The following PCIF1 variants were observed in gnomAD, a reference collection of about 807,000 sequenced individuals.
PCIF1 encodes the protein mRNA (2'-O-methyladenosine-N(6)-)-methyltransferase.
Under a neutral mutation model 86.9 loss-of-function variants are expected in PCIF1, and 12 were observed. The observed-to-expected ratio is 0.14, with a 90% confidence interval of 0.09 to 0.22. The LOEUF is 0.22. Among genes scored for constraint, PCIF1 ranks in the 10% least tolerant of loss-of-function variants. The probability of loss-of-function intolerance (pLI) is 1.00; values close to 1 mark genes in which losing one functional copy is unlikely to be tolerated. For synonymous variants in PCIF1, 397 were observed against 372.0 expected (o/e 1.07, Z -0.77); for missense variants, 701 against 951.1 (o/e 0.74, Z 3.46).
chr20:45,940,010 G>A (rs2083456382), intron 4 of PCIF1, among the ~76,000 whole-genome samples: 1 of 152,238 alleles, frequency 6.6e-6, no homozygotes, highest in Admixed American at 6.5e-5. Context: ...CACACCTGAT[G>A]TGAGTTCAGG....
Position 45,947,524 on chromosome 20 carries a change from G to A in PCIF1, c.1884G>A (p.Lys628=). 1 of 1,613,744 alleles carries A rather than the reference G, an allele frequency of 6.2e-7. No homozygotes were observed. The highest frequency in any genetic ancestry group is 8.5e-7 in the Non-Finnish European group (1 of 1,179,990). Residue 628 remains lysine (K), a splice_region_variant and synonymous_variant, in exon 17 of 17, where the codon AAG becomes AAA. Coordinates refer to ENST00000372409, the MANE Select transcript of PCIF1 (RefSeq NM_022104.4). This position sits in a 1 kb window ranked among gnomAD's most constrained non-coding sequence, Gnocchi z 5.4. ...YRSGSQHICK[K]EEMHYKAVHN... ...CCTGAGCCATTGCCTTTGCCCGCAG[G>A]GAGGAAATGCACTACAAGGCCGTCC...
At chr20:45,946,459 C>T in intron 14 of PCIF1, 75 bp downstream of exon 14, 2 of 1,518,350 alleles carry the variant, frequency 1.3e-6, no homozygotes, top group South Asian at 2.3e-5. Context: ...CCTCTGCTGG[C>T]TGTAGTGTCA....
In PCIF1 at chr20:45,947,061, T is replaced by C; in HGVS notation, c.1614-12T>C. 2 of 1,602,070 alleles carry C rather than the reference T, an allele frequency of 1.2e-6. No homozygotes were observed. The highest frequency in any genetic ancestry group is 1.1e-5 in the South Asian group (1 of 90,294). ...TCCTGATGGGACTTAGAATGCTCAC[T>C]CCTGTCCCCAGGCCCTGCCTAGACT... On this transcript the variant is annotated splice_polypyrimidine_tract_variant and intron_variant, in intron 14 of 16. Coordinates refer to ENST00000372409, the MANE Select transcript of PCIF1 (RefSeq NM_022104.4). The surrounding 1 kb of genome is among the most constrained non-coding windows in gnomAD (Gnocchi z 5.4).
In PCIF1 at chr20:45,934,811, G is replaced by C; in HGVS notation, c.-188+7G>C. On this transcript the variant is annotated splice_region_variant and intron_variant, in intron 1 of 16. Transcript: ENST00000372409. ...TCCAGTCCGCTCCGGGCAGGTAAGA[G>C]TCCCAGGAAGCCATGGTCCCGCAGC... 2.5e-6 allele frequency: 1 copy of C among 398,312 alleles called. No homozygotes were observed. Among genetic ancestry groups the C allele is most frequent in the Non-Finnish European group, 4.4e-6 (1 of 225,832 alleles). The allele number at this position is 398,312 out of a possible 1,614,324, so 24.7% of individuals were successfully genotyped here.
Position 45,940,630 on chromosome 20 carries a change from GGAGCCGGCTGCCGA to G in PCIF1, c.387+20_387+33del. The G allele has an allele frequency of 6.3e-7, 1 of 1,591,846 alleles. No individual in the cohort carries two copies. The highest frequency in any genetic ancestry group is 8.5e-7 in the Non-Finnish European group (1 of 1,170,816). ...AGCCCAAGGTGAGTGTCTGTGGCCA[GGAGCCGGCTGCCGA>G]GCGGCCGGCTCAGACGGGCCGCCTG... On this transcript the variant is annotated intron_variant, in intron 5 of 16. Coordinates refer to ENST00000372409, the MANE Select transcript of PCIF1 (RefSeq NM_022104.4).
intron 1 of PCIF1, 30 bp downstream of exon 1, chr20:45,934,834 AG>A (rs1019369032): frequency 1.0e-5 from 4 of 397,836 alleles, no homozygotes; most frequent in African/African-American, 8.2e-5. Context: ...ATGGTCCCGC[AG>A]CGAGCCGCGC....
Position 45,947,930 on chromosome 20 carries a change from T to A in PCIF1, c.*175T>A. On this transcript the variant is annotated 3_prime_UTR_variant, in exon 17 of 17. Coordinates refer to ENST00000372409, the MANE Select transcript of PCIF1 (RefSeq NM_022104.4). The surrounding 1 kb of genome is among the most constrained non-coding windows in gnomAD (Gnocchi z 5.4). ...CACCTCAAACTCCCTCCAAGTCCCA[T>A]GTATATAGGTCCTGATGCCTTCCCA... 1 of 1,533,246 alleles carries A rather than the reference T, an allele frequency of 6.5e-7. No individual in the cohort carries two copies. The highest frequency in any genetic ancestry group is 8.7e-7 in the Non-Finnish European group (1 of 1,146,108). The allele number at this position is 1,533,246 out of a possible 1,614,324, so 95.0% of individuals were successfully genotyped here. A position where few individuals can be genotyped will look rare whatever the true frequency, so the allele number is the denominator to read the frequency against.
chr20:45,945,292 G>C (rs1166580185), intron 11 of PCIF1, among the ~76,000 whole-genome samples: 2 of 152,256 alleles, frequency 1.3e-5, no homozygotes, highest in African/African-American at 4.8e-5. Context: ...CCAGACTGAA[G>C]TGTAGCACCT....
At position 45,947,713 on chromosome 20, in the gene PCIF1, G is replaced by A. The variant is rs766789952; in HGVS notation, c.2073G>A (p.Ser691=). The part of the protein sequence containing the change: ...SSSSEAKDRD[S]GREQGPSREP... ...CCTCGGAGGCCAAGGACCGGGACTC[G>A]GGCCGTGAGCAGGGTCCTAGCCGCG... is the stretch of plus-strand genomic sequence containing the variant. The change falls in exon 17 of 17, where the codon TCG becomes TCA. Residue 691 remains serine (S), a synonymous_variant. Transcript: ENST00000372409. The surrounding 1 kb of genome is among the most constrained non-coding windows in gnomAD (Gnocchi z 5.4). 17 of 1,606,574 alleles carry A rather than the reference G, an allele frequency of 1.1e-5. No individual in the cohort carries two copies. Among genetic ancestry groups the A allele is most frequent in the African/African-American group, 1.3e-5 (1 of 74,832 alleles).
rs1323346683 is a variant in PCIF1, at chr20:45,940,802, A to G, written c.388-7A>G. On this transcript the variant is annotated splice_region_variant and splice_polypyrimidine_tract_variant and intron_variant, in intron 5 of 16. Transcript: ENST00000372409. The stretch of plus-strand genomic sequence containing the variant: ...CTGACTTGACACCTTTGTGACTTTC[A>G]CTACAGATTGAAATCCCAGTGACAC... 1.6e-5 allele frequency: 25 copies of G among 1,611,880 alleles called. No homozygotes were observed. The highest frequency in any genetic ancestry group is 2.1e-5 in the Non-Finnish European group (25 of 1,178,616).
chr20:45,946,466 G>A, intron 14 of PCIF1, 82 bp downstream of exon 14: 2 of 1,506,472 alleles, frequency 1.3e-6, no homozygotes, highest in South Asian at 2.4e-5. Flanking sequence ...TGGCTGTAGT[G>A]TCAGGCAGGC....
In PCIF1 at chr20:45,947,380, T is replaced by C. The variant is rs1362571540; in HGVS notation, c.1825T>C (p.Leu609=). The change falls in exon 16 of 17, where the codon TTG becomes CTG. Residue 609 remains leucine (L), a synonymous_variant. Coordinates refer to ENST00000372409, the MANE Select transcript of PCIF1 (RefSeq NM_022104.4). This position sits in a 1 kb window ranked among gnomAD's most constrained non-coding sequence, Gnocchi z 5.4. The part of the protein sequence containing the change: ...MEQSRFKRHQ[L]ILPAFEHEYR... ...GCAGAGCCGCTTCAAACGCCACCAG[T>C]TGATCCTGCCTGCCTTTGAGCATGA... 3.7e-6 allele frequency: 6 copies of C among 1,613,892 alleles called. No individual in the cohort carries two copies. The highest frequency in any genetic ancestry group is 1.3e-5 in the African/African-American group (1 of 74,930).
chr20:45,942,700 AG>A (rs1320423297), intron 7 of PCIF1, among the ~76,000 whole-genome samples: 4 of 147,366 alleles, frequency 2.7e-5, no homozygotes, highest in African/African-American at 1.0e-4. Context: ...CAGCAGCTTC[AG>A]CCACCCGGGT....
Position 45,943,868 on chromosome 20 carries a change from G to C in PCIF1, c.1005+103G>C, listed in dbSNP as rs182330515. ...CAGGCTGGGCAAGGCCTCCCCCAGC[G>C]GCCTATTCTTGTGCAGTATGGCAGA... On this transcript the variant is annotated intron_variant, in intron 10 of 16. Coordinates refer to ENST00000372409, the MANE Select transcript of PCIF1 (RefSeq NM_022104.4). The surrounding 1 kb of genome is among the most constrained non-coding windows in gnomAD (Gnocchi z 5.5). The C allele has an allele frequency of 1.1e-6, 1 of 909,126 alleles. No individual in the cohort carries two copies. The highest frequency in any genetic ancestry group is 1.7e-5 in the African/African-American group (1 of 60,496). The allele number at this position is 909,126 out of a possible 1,614,324, so 56.3% of individuals were successfully genotyped here.
Position 45,947,149 on chromosome 20 carries a change from A to T in PCIF1, c.1690A>T (p.Met564Leu). 1 of 1,613,306 alleles carries T rather than the reference A, an allele frequency of 6.2e-7. No homozygotes were observed. Among genetic ancestry groups the T allele is most frequent in the Non-Finnish European group, 8.5e-7 (1 of 1,179,336 alleles). Residue 564 changes from methionine to leucine, a missense_variant, in exon 15 of 17, where the codon ATG becomes TTG. Met to Leu is a conservative substitution (Grantham distance 15). This residue lies in a region of PCIF1 where 174 missense variants were observed against 206.9 expected (regional missense o/e 0.84). Transcript: ENST00000372409. This position sits in a 1 kb window ranked among gnomAD's most constrained non-coding sequence, Gnocchi z 5.4. The part of the protein sequence containing the change: ...PPFCEELMDA[M>L]VSHFERLLES... ...CTTCTGCGAGGAGCTCATGGATGCC[A>T]TGGTCTCTCACTTTGAGGTGGGTGC...
At chr20:45,940,762 T>A in intron 5 of PCIF1, 47 bp from the exon 6 acceptor site, 1 of 1,603,924 alleles carries the variant, frequency 6.2e-7, no homozygotes, top group East Asian at 2.2e-5. Flanking sequence ...GGATGGAGCC[T>A]CTCTGGTGAA....
In PCIF1 at chr20:45,938,803, T is replaced by C. The variant is rs542672539; in HGVS notation, c.-19-178T>C. ...AGAGGAAGCAGCAGGAGTGCACCCA[T>C]TGAACAGCTGGAATTGCAGCTTAGA... On this transcript the variant is annotated intron_variant, in intron 2 of 16. Coordinates refer to ENST00000372409, the MANE Select transcript of PCIF1 (RefSeq NM_022104.4). Among the ~76,000 whole-genome samples the C allele has an allele frequency of 7.9e-5, 12 of 152,034 alleles. No homozygotes were observed. The South Asian group carries it at 1.7e-3, about 21-fold the overall frequency.
At chr20:45,937,383 A>C (rs1273579381) in intron 1 of PCIF1, 35 bp from the exon 2 acceptor site, 1 of 398,988 alleles carries the variant, frequency 2.5e-6, no homozygotes, top group Non-Finnish European at 4.4e-6. Context: ...GCAGCATCCC[A>C]CAGGTCTGTG....
rs748129393 is a variant in PCIF1 at position 45,946,247 on chromosome 20, G to A, written c.1476G>A (p.Ser492=). The A allele has an allele frequency of 1.9e-5, 30 of 1,614,010 alleles. No homozygotes were observed. Among genetic ancestry groups the A allele is most frequent in the Middle Eastern group, 1.6e-4 (1 of 6,084 alleles). Residue 492 remains serine (S), a synonymous_variant, in exon 14 of 17, where the codon TCG becomes TCA. Coordinates refer to ENST00000372409, the MANE Select transcript of PCIF1 (RefSeq NM_022104.4). ...GLYEGTGLQG[S]LPVHVFEALH... Reference sequence around the variant, plus strand: ...ACGAGGGGACTGGCCTGCAGGGATCGCTGCCTGTGCATGTCTTTGAGGCCC... The same window carrying A: ...ACGAGGGGACTGGCCTGCAGGGATCACTGCCTGTGCATGTCTTTGAGGCCC...
Sources: allele counts gnomAD v4.1 joint callset (sites outside exome capture counted in the v4.1 genomes callset), GRCh38; gene constraint gnomAD v4.1.1; regional missense constraint gnomAD v4.1.1; non-coding constraint Gnocchi (gnomAD v3.1); transcripts MANE v1.5; gene names NCBI Gene and HGNC (gene_info 2026-07-23, HGNC 2026-07-21).